The following AGTPBP1 variants were observed in gnomAD, a reference collection of about 807,000 sequenced individuals.
AGTPBP1 encodes the protein cytosolic carboxypeptidase 1.
In AGTPBP1, 70 loss-of-function variants were observed where a neutral mutation model predicts 143.9. The observed-to-expected ratio is 0.49, with a 90% CI of 0.40 to 0.59. The LOEUF (loss-of-function observed/expected upper bound fraction) is 0.59, where lower values mean the gene tolerates loss of function less well. Ranked by LOEUF, AGTPBP1 falls within the 20% of genes least tolerant of loss-of-function variation. AGTPBP1 has a pLI of 0.00. For missense variants in AGTPBP1, 1,229 were observed against 1,464.5 expected, an observed-to-expected ratio of 0.84 and a Z score of 2.62; for synonymous variants, 463 against 500.2, an observed-to-expected ratio of 0.93 and a Z score of 0.99.
chr9:85,589,750 A>G (rs1828840388), intron 19 of AGTPBP1, 69 bp from the exon 20 acceptor site: 28 of 1,390,226 alleles, frequency 2.0e-5, no homozygotes, highest in Admixed American at 7.0e-5. Context: ...GAAATAATGC[A>G]TCCAGATCTC....
chr9:85,590,544 T>C lies in AGTPBP1; in HGVS notation c.2569-863A>G, dbSNP rs140454067. Among the ~76,000 whole-genome samples the C allele has an allele frequency of 3.9e-5, 6 of 152,298 alleles. No homozygotes were observed. The East Asian group carries it at 1.2e-3, about 29-fold the overall frequency. ...GCCTATGTTCTTTCACAAATCACTA[T>C]TGACTGAGTGGTCACTATTTTCCAG... On this transcript the variant is annotated intron_variant, in intron 19 of 25. Transcript: ENST00000357081.
At position 85,632,664 on chromosome 9, in the gene AGTPBP1, T is replaced by G. The variant is rs750351982; in HGVS notation, c.2013A>C (p.Gln671His). The change falls in exon 14 of 26, where the codon CAA becomes CAC. Residue 671 changes from glutamine (Q) to histidine (H), a missense_variant and splice_region_variant. Physicochemically the swap from Gln to His is conservative, Grantham distance 24. This residue lies in a region of AGTPBP1 where 743 missense variants were observed against 812.2 expected (regional missense o/e 0.91). Transcript: ENST00000357081. The part of the protein sequence containing the change: ...EPILERPYGV[Q>H]RTKIAQDIER... ...GAGGGAAGAAATATGCAACTCACCT[T>G]TGTACACCATAAGGCCTTTCTAAAA... 1.3e-5 allele frequency: 20 copies of G among 1,594,900 alleles called. No homozygotes were observed. Among genetic ancestry groups the G allele is most frequent in the Non-Finnish European group, 1.7e-5 (20 of 1,170,712 alleles).
At chr9:85,649,619 T>C (rs1233225295) in intron 11 of AGTPBP1, among the ~76,000 whole-genome samples, 3 of 152,176 alleles carry the variant, frequency 2.0e-5, no homozygotes. Context: ...TAAATAATAA[T>C]GGTTGAGAGA....
chr9:85,710,566 T>G (rs1837299109), intron 2 of AGTPBP1, among the ~76,000 whole-genome samples: 1 of 152,100 alleles, frequency 6.6e-6, no homozygotes, highest in African/African-American at 2.4e-5. Flanking sequence ...TCTATCTCAA[T>G]TTGCCTTATT....
At chr9:85,681,613 T>C (rs1368089391) in intron 3 of AGTPBP1, among the ~76,000 whole-genome samples, 1 of 152,156 alleles carries the variant, frequency 6.6e-6, no homozygotes, top group Non-Finnish European at 1.5e-5. Flanking sequence ...GATAATATAG[T>C]ACAGGTGCCA....
intron 2 of AGTPBP1, among the ~76,000 whole-genome samples, chr9:85,696,540 C>CT (rs1376180429): frequency 6.6e-6 from 1 of 151,740 alleles, no homozygotes. Flanking sequence ...TAGTGGCGCA[C>CT]ATCTGTAATC....
chr9:85,766,634 C>T, the AGTPBP1 span, among the ~76,000 whole-genome samples: 2 of 152,098 alleles, frequency 1.3e-5, no homozygotes, highest in Non-Finnish European at 2.9e-5. Context: ...CCTCCTACAA[C>T]TGGTAGAGTT....
intron 2 of AGTPBP1, among the ~76,000 whole-genome samples, chr9:85,698,486 G>C (rs1036750928): frequency 2.0e-5 from 3 of 152,018 alleles, no homozygotes; most frequent in African/African-American, 7.2e-5. Context: ...CACTAATGTT[G>C]AGAGTCAGAG....
chr9:85,753,379 A>C, the AGTPBP1 span: 1 of 1,613,578 alleles, frequency 6.2e-7, no homozygotes, highest in Non-Finnish European at 8.5e-7. Flanking sequence ...TGTAACTTGA[A>C]AAGGAGAAAA....
At chr9:85,797,404 T>C in the AGTPBP1 span, among the ~76,000 whole-genome samples, 20 of 152,316 alleles carry the variant, frequency 1.3e-4, no homozygotes, top group African/African-American at 4.8e-4. Flanking sequence ...CCACCACACC[T>C]GGTGGTTGCT....
the AGTPBP1 span, among the ~76,000 whole-genome samples, chr9:85,769,520 CA>C: frequency 0.13 from 8,126 of 60,890 alleles, 702 homozygotes; most frequent in African/African-American, 0.3. Flanking sequence ...ACCCTGTGTC[CA>C]AAAAAAAAAA....
chr9:85,791,502 A>G, the AGTPBP1 span: 2 of 152,210 alleles, frequency 1.3e-5, no homozygotes, highest in Admixed American at 6.6e-5. Flanking sequence ...ATTTCCCACA[A>G]TGATCCAGGA....
At chr9:85,625,591 A>G (rs1262935335) in intron 14 of AGTPBP1, among the ~76,000 whole-genome samples, 1 of 152,052 alleles carries the variant, frequency 6.6e-6, no homozygotes, top group African/African-American at 2.4e-5. Context: ...TTTTAAAAAT[A>G]CAGTTTTTTT....
the AGTPBP1 span, among the ~76,000 whole-genome samples, chr9:85,747,465 T>A: frequency 6.6e-6 from 1 of 152,248 alleles, no homozygotes; most frequent in African/African-American, 2.4e-5. Flanking sequence ...CTCTGAGTAG[T>A]ATTGACATCT....
intron 17 of AGTPBP1, among the ~76,000 whole-genome samples, chr9:85,615,328 T>C (rs903609750): frequency 9.9e-5 from 15 of 152,234 alleles, no homozygotes; most frequent in Admixed American, 1.3e-4. Flanking sequence ...TAGGAATTCA[T>C]GGCAATAATC....
chr9:85,639,578 G>T (rs575339425), intron 13 of AGTPBP1, among the ~76,000 whole-genome samples: 1 of 152,142 alleles, frequency 6.6e-6, no homozygotes, highest in Non-Finnish European at 1.5e-5. Flanking sequence ...TAGCATGTGG[G>T]AAAGGACTAC....
the AGTPBP1 span, among the ~76,000 whole-genome samples, chr9:85,773,311 C>A: frequency 7.5e-6 from 1 of 132,914 alleles, no homozygotes; most frequent in Admixed American, 7.7e-5. Flanking sequence ...TTCAGAATTC[C>A]AACAAATTCT....
intron 17 of AGTPBP1, among the ~76,000 whole-genome samples, chr9:85,612,372 A>T (rs1830365116): frequency 6.6e-6 from 1 of 152,192 alleles, no homozygotes; most frequent in African/African-American, 2.4e-5. Flanking sequence ...AAAACACGGG[A>T]TTCAGAGAGC....
At chr9:85,743,350 A>G (rs1037823064), upstream of AGTPBP1, among the ~76,000 whole-genome samples, 2 of 152,206 alleles carry the variant, frequency 1.3e-5, no homozygotes, top group Admixed American at 1.3e-4. Flanking sequence ...GATGACCACA[A>G]CACAGACCCA....
Sources: gnomAD v4.1 joint callset for allele counts (sites outside exome capture counted in the v4.1 genomes callset) on GRCh38, gnomAD v4.1.1 for gene constraint, gnomAD v4.1.1 regional missense constraint, MANE v1.5 for transcripts, NCBI Gene and HGNC (gene_info 2026-07-23, HGNC 2026-07-21) for gene names.